Variants in EPHB1 observed in about 807,000 individuals in gnomAD.
EPHB1 encodes the protein ephrin type-B receptor 1.
In EPHB1, 30 loss-of-function variants were observed where a neutral mutation model predicts 94.4. That is an observed-to-expected ratio of 0.32 (90% CI 0.24 to 0.43). The LOEUF is 0.43. Among genes scored for constraint, EPHB1 ranks in the 20% least tolerant of loss-of-function variants. EPHB1 has a pLI of 1.00. For missense variants in EPHB1, 1,055 were observed against 1,308.3 expected (o/e 0.81, Z 2.99); for synonymous variants, 522 against 489.1 (o/e 1.07, Z -0.89).
chr3:135,184,162 G>T (rs1180782171), intron 10 of EPHB1, among the ~76,000 whole-genome samples: 2 of 152,174 alleles, frequency 1.3e-5, no homozygotes, highest in Admixed American at 6.5e-5. Flanking sequence ...GCCTGGAGGT[G>T]ATGGGGAGTC....
In EPHB1 at chr3:135,166,105, T is replaced by C. The variant is rs894694205; in HGVS notation, c.1694+29T>C. On this transcript the variant is annotated intron_variant, in intron 8 of 15. Coordinates refer to ENST00000398015, the MANE Select transcript of EPHB1 (RefSeq NM_004441.5). ...GGTCCTCCACTCTCACTTGCTCTCC[T>C]TGGACCCAGGAAGCCCCTCTCCATG... 4.4e-6 allele frequency: 7 copies of C among 1,573,874 alleles called. No homozygotes were observed. The Admixed American group carries it at 1.0e-4, about 23-fold the overall frequency.
intron 3 of EPHB1, among the ~76,000 whole-genome samples, chr3:135,009,397 T>G (rs570205747): frequency 1.4e-4 from 21 of 152,342 alleles, no homozygotes; most frequent in Admixed American, 7.8e-4. Flanking sequence ...CCTGGGTGTC[T>G]TATTATGCAG....
intron 1 of EPHB1, among the ~76,000 whole-genome samples, chr3:134,873,674 C>A (rs181466898): frequency 6.6e-6 from 1 of 152,296 alleles, no homozygotes; most frequent in East Asian, 1.9e-4. Context: ...AGGGTTTGCA[C>A]GGTAGTGCCA....
At chr3:135,103,138 A>T (rs565812562) in intron 3 of EPHB1, among the ~76,000 whole-genome samples, 115 of 152,064 alleles carry the variant, frequency 7.6e-4, no homozygotes, top group African/African-American at 2.7e-3. Context: ...AACTTAAAGT[A>T]AAAAAAAGAA....
chr3:134,907,758 C>T (rs909063816), intron 1 of EPHB1, among the ~76,000 whole-genome samples: 6 of 148,910 alleles, frequency 4.0e-5, no homozygotes, highest in African/African-American at 7.4e-5. Flanking sequence ...GGCTGTATTA[C>T]TCAATTTAAA....
chr3:134,974,211 C>T (rs559913594), intron 3 of EPHB1, among the ~76,000 whole-genome samples: 152 of 152,246 alleles, frequency 1.0e-3, no homozygotes, highest in South Asian at 1.9e-3. Flanking sequence ...AGGATGCACG[C>T]GTGCGCACAC....
intron 4 of EPHB1, among the ~76,000 whole-genome samples, chr3:135,121,223 A>G (rs1203554254): frequency 6.6e-6 from 1 of 152,212 alleles, no homozygotes; most frequent in Non-Finnish European, 1.5e-5. Flanking sequence ...TGTGACCTCC[A>G]TGCCTGATGG....
chr3:134,851,136 G>T (rs928905514), intron 1 of EPHB1, among the ~76,000 whole-genome samples: 1 of 152,242 alleles, frequency 6.6e-6, no homozygotes, highest in African/African-American at 2.4e-5. Flanking sequence ...GGGAAAGAAA[G>T]GCTGGAGTTC....
At chr3:135,192,484 T>G in intron 10 of EPHB1, 92 bp from the exon 11 acceptor site, 1 of 1,450,956 alleles carries the variant, frequency 6.9e-7, no homozygotes, top group Non-Finnish European at 9.3e-7. Context: ...ACAATTCCAC[T>G]TGGGGCACCA....
intron 1 of EPHB1, among the ~76,000 whole-genome samples, chr3:134,882,156 G>A (rs1418940778): frequency 1.3e-5 from 2 of 152,118 alleles, no homozygotes; most frequent in Admixed American, 6.5e-5. Flanking sequence ...CAAAATACTG[G>A]CGCAATTAAT....
intron 1 of EPHB1, among the ~76,000 whole-genome samples, chr3:134,909,338 C>A (rs1290477677): frequency 1.3e-5 from 2 of 152,240 alleles, no homozygotes; most frequent in Non-Finnish European, 2.9e-5. Context: ...GAAAATGTCT[C>A]TCTGGGAAAG....
chr3:135,174,036 G>A (rs1324779170), intron 9 of EPHB1, among the ~76,000 whole-genome samples: 1 of 152,164 alleles, frequency 6.6e-6, no homozygotes, highest in Admixed American at 6.5e-5. Flanking sequence ...CAGTACTCCG[G>A]TTGAAAACTG....
At chr3:134,986,181 CTT>C (rs947109225) in intron 3 of EPHB1, among the ~76,000 whole-genome samples, 1 of 152,194 alleles carries the variant, frequency 6.6e-6, no homozygotes, top group African/African-American at 2.4e-5. Context: ...GGGAGTGACT[CTT>C]TTCCAGATGA....
rs114080596 is a variant in EPHB1, at chr3:134,927,225, G to A, written c.123+1345G>A. Among the ~76,000 whole-genome samples, 989 of 152,270 alleles carry A rather than the reference G, an allele frequency of 6.5e-3. 15 individuals carry two copies. Among genetic ancestry groups the A allele is most frequent in the African/African-American group, 0.023 (943 of 41,546 alleles). The stretch of plus-strand genomic sequence containing the variant: ...TTCTGCTGCAGGGGTGGTTCTAATC[G>A]GGACATTTGGGTCACAGGGCAGACA... On this transcript the variant is annotated intron_variant, in intron 2 of 15. Coordinates refer to ENST00000398015, the MANE Select transcript of EPHB1 (RefSeq NM_004441.5).
chr3:134,929,750 G>C lies in EPHB1; in HGVS notation c.123+3870G>C, dbSNP rs577428353. 5.9e-5 allele frequency among the ~76,000 whole-genome samples: 9 copies of C among 152,294 alleles called. No individual in the cohort carries two copies. In the East Asian group the frequency reaches 1.2e-3, roughly 20 times the overall value. ...GACTTCAGATTTAAGACACACAGAG[G>C]TCTTCCGGGTGAAGAGGCTCTGAGT... On this transcript the variant is annotated intron_variant, in intron 2 of 15. Transcript: ENST00000398015.
At chr3:134,839,553 A>G (rs2036738872) in intron 1 of EPHB1, among the ~76,000 whole-genome samples, 1 of 152,104 alleles carries the variant, frequency 6.6e-6, no homozygotes, top group Non-Finnish European at 1.5e-5. Context: ...TTGGTCACCG[A>G]GAAGGCCCTG....
chr3:135,107,986 G>A (rs1191490514), intron 4 of EPHB1, among the ~76,000 whole-genome samples: 1 of 152,172 alleles, frequency 6.6e-6, no homozygotes, highest in Non-Finnish European at 1.5e-5. Context: ...ATTGTTTAAT[G>A]TACTTCTTTA....
At chr3:135,241,320 C>T (rs749111632) in intron 13 of EPHB1, 23 bp downstream of exon 13, 4 of 1,613,622 alleles carry the variant, frequency 2.5e-6, no homozygotes, top group East Asian at 4.5e-5. Flanking sequence ...AGCACTTGGT[C>T]ACCACAAACC....
At chr3:135,005,773 C>G (rs1446648657) in intron 3 of EPHB1, among the ~76,000 whole-genome samples, 2 of 152,224 alleles carry the variant, frequency 1.3e-5, no homozygotes, top group Non-Finnish European at 2.9e-5. Flanking sequence ...ACTCCCTGAC[C>G]CCTTGTGCTT....
Sources: gnomAD v4.1 joint callset for allele counts (sites outside exome capture counted in the v4.1 genomes callset) on GRCh38, gnomAD v4.1.1 for gene constraint, MANE v1.5 for transcripts, NCBI Gene and HGNC (gene_info 2026-07-23, HGNC 2026-07-21) for gene names.